Variants in ERBB4 observed in about 807,000 individuals in gnomAD.
The protein encoded by ERBB4 is receptor tyrosine-protein kinase erbB-4.
A neutral mutation model predicts 158.0 loss-of-function variants in ERBB4; 42 were observed. The ratio of observed to expected loss-of-function variants is 0.27; its 90% CI spans 0.21 to 0.34. ERBB4 has a LOEUF of 0.34. Among genes scored for constraint, ERBB4 ranks in the 10% least tolerant of loss-of-function variants. The pLI is 1.00. For synonymous variants in ERBB4, 583 were observed against 558.7 expected, an observed-to-expected ratio of 1.04 and a Z score of -0.61; for missense variants, 1,333 against 1,624.1, an observed-to-expected ratio of 0.82 and a Z score of 3.08.
intron 2 of ERBB4, among the ~76,000 whole-genome samples, chr2:212,078,995 T>A (rs918499302): frequency 6.6e-6 from 1 of 151,372 alleles, no homozygotes; most frequent in Non-Finnish European, 1.5e-5. Flanking sequence ...ACGTTAGTAT[T>A]TATAGATTTA....
chr2:212,312,699 ACAG>A (rs1212674939), intron 1 of ERBB4, among the ~76,000 whole-genome samples: 1 of 150,996 alleles, frequency 6.6e-6, no homozygotes, highest in Non-Finnish European at 1.5e-5. Flanking sequence ...AAGATGGAAA[ACAG>A]CAGGTATATA....
At chr2:212,331,475 G>T (rs998172533) in intron 1 of ERBB4, among the ~76,000 whole-genome samples, 4 of 151,816 alleles carry the variant, frequency 2.6e-5, no homozygotes, top group African/African-American at 9.7e-5. Context: ...GCAACGTAGA[G>T]AAATCTATTC....
In ERBB4 at chr2:212,513,432, A is replaced by AT. The variant is rs1190471646; in HGVS notation, c.82+25016dup. Among the ~76,000 whole-genome samples the AT allele has an allele frequency of 2.0e-5, 3 of 152,314 alleles. No homozygotes were observed. In the East Asian group the frequency reaches 5.8e-4, roughly 29 times the overall value. On this transcript the variant is annotated intron_variant, in intron 1 of 27. Coordinates refer to ENST00000342788, the MANE Select transcript of ERBB4 (RefSeq NM_005235.3). Reference sequence around the variant, plus strand: ...ATGTCATGCTAAATACCTTATACATATTTTTCAATTTAGCCATCAGAACAG... The same window carrying AT: ...ATGTCATGCTAAATACCTTATACATATTTTTTCAATTTAGCCATCAGAACAG...
chr2:211,665,360 G>C lies in ERBB4; in HGVS notation c.1834C>G (p.Arg612Gly), dbSNP rs561997094. ...TTTGGATGGCATGGGTGGCACTCCC[G>C]ATCTGGATCAGCATACTTGAAAATG... is the stretch of plus-strand genomic sequence containing the variant. The part of the protein sequence containing the change: ...SFIFKYADPD[R>G]ECHPCHPNCT... Residue 612 changes from arginine (R) to glycine (G), a missense_variant, in exon 15 of 28, where the codon CGG (arginine) becomes GGG (glycine). Arg to Gly is a moderately radical substitution (Grantham distance 125, BLOSUM62 -2). Coordinates refer to ENST00000342788, the MANE Select transcript of ERBB4 (RefSeq NM_005235.3). 1.7e-5 allele frequency: 27 copies of C among 1,614,134 alleles called. No individual in the cohort carries two copies. The highest frequency in any genetic ancestry group is 2.1e-5 in the Non-Finnish European group (25 of 1,180,022).
intron 20 of ERBB4, among the ~76,000 whole-genome samples, chr2:211,451,943 C>T (rs1056948867): frequency 1.3e-5 from 2 of 152,116 alleles, no homozygotes; most frequent in African/African-American, 4.8e-5. Context: ...GAGTAAACTT[C>T]TATTAAACTT....
chr2:212,131,894 G>GCTA (rs2080117352), intron 1 of ERBB4, among the ~76,000 whole-genome samples: 1 of 152,154 alleles, frequency 6.6e-6, no homozygotes, highest in Admixed American at 6.6e-5. Flanking sequence ...GTATGAAATG[G>GCTA]GTAGTAGAGA....
chr2:211,990,475 G>A (rs568571342), intron 2 of ERBB4, among the ~76,000 whole-genome samples: 1 of 151,482 alleles, frequency 6.6e-6, no homozygotes, highest in South Asian at 2.1e-4. Flanking sequence ...TGCTTACTAT[G>A]TGCATATCAT....
chr2:212,003,294 C>T (rs1402713), intron 2 of ERBB4, among the ~76,000 whole-genome samples: 10,209 of 133,576 alleles, frequency 0.076, 692 homozygotes, highest in Non-Finnish European at 0.12. Flanking sequence ...AATATCAAAA[C>T]AAAAATCTTA....
At chr2:211,750,768 T>TGA in intron 4 of ERBB4, 64 bp from the exon 5 acceptor site, 9 of 1,365,614 alleles carry the variant, frequency 6.6e-6, no homozygotes, top group South Asian at 1.2e-5. Flanking sequence ...TGACTAGGAG[T>TGA]AACTCCTCAA....
intron 2 of ERBB4, among the ~76,000 whole-genome samples, chr2:212,011,522 G>T (rs528941680): frequency 6.6e-6 from 1 of 152,034 alleles, no homozygotes; most frequent in Non-Finnish European, 1.5e-5. Flanking sequence ...AGGCTGAGAC[G>T]GGTGGATCAC....
At chr2:211,716,552 TGTA>T (rs1027113775) in intron 7 of ERBB4, among the ~76,000 whole-genome samples, 7 of 149,362 alleles carry the variant, frequency 4.7e-5, no homozygotes, top group South Asian at 2.1e-4. Flanking sequence ...GGCGGGCGCC[TGTA>T]GTCCCAGCTA....
chr2:211,755,207 A>C (rs2075262405), intron 4 of ERBB4, among the ~76,000 whole-genome samples: 1 of 152,298 alleles, frequency 6.6e-6, no homozygotes, highest in East Asian at 1.9e-4. Context: ...TAAATGTCTT[A>C]GAGTAAGTGC....
At chr2:212,417,806 C>A (rs1028404780) in intron 1 of ERBB4, among the ~76,000 whole-genome samples, 1 of 151,962 alleles carries the variant, frequency 6.6e-6, no homozygotes, top group Non-Finnish European at 1.5e-5. Context: ...ATAAGTTACA[C>A]TTTAAATCAG....
chr2:211,860,543 T>C (rs568843785), intron 3 of ERBB4, among the ~76,000 whole-genome samples: 5 of 152,254 alleles, frequency 3.3e-5, no homozygotes, highest in African/African-American at 1.2e-4. Context: ...AGACAAATAA[T>C]TACCTAGGCC....
rs142268825 is a variant in ERBB4 at position 212,291,467 on chromosome 2, G to C, written c.83-166564C>G. 1.7e-3 allele frequency among the ~76,000 whole-genome samples: 262 copies of C among 152,058 alleles called. 1 individual carries two copies. The highest frequency in any genetic ancestry group is 5.8e-3 in the African/African-American group (240 of 41,518). On this transcript the variant is annotated intron_variant, in intron 1 of 27. Transcript: ENST00000342788. The stretch of plus-strand genomic sequence containing the variant: ...GCATTAAAATTAAGTTAATTTTGTT[G>C]TTAATGCTAAATTAGACCCATTTGT...
At chr2:211,579,945 C>T (rs1296417722) in intron 19 of ERBB4, among the ~76,000 whole-genome samples, 6 of 151,970 alleles carry the variant, frequency 3.9e-5, no homozygotes, top group Non-Finnish European at 7.4e-5. Context: ...CACATGTAGC[C>T]CAGAACTTAA....
chr2:211,836,760 T>C (rs973552417), intron 3 of ERBB4, among the ~76,000 whole-genome samples: 1 of 152,024 alleles, frequency 6.6e-6, no homozygotes. Context: ...TTCTGCACAA[T>C]GACAGCTGCA....
At chr2:211,936,110 C>T (rs2080315510) in intron 3 of ERBB4, among the ~76,000 whole-genome samples, 1 of 151,886 alleles carries the variant, frequency 6.6e-6, no homozygotes, top group South Asian at 2.1e-4. Context: ...TATAATCCTA[C>T]CCAGTATCAT....
chr2:211,452,070 TC>T (rs2125479873), intron 20 of ERBB4, among the ~76,000 whole-genome samples: 1 of 152,322 alleles, frequency 6.6e-6, no homozygotes, highest in African/African-American at 2.4e-5. Context: ...ATAGCTTTCC[TC>T]CTATATATCC....
Sources: allele counts gnomAD v4.1 joint callset (sites outside exome capture counted in the v4.1 genomes callset), GRCh38; gene constraint gnomAD v4.1.1; transcripts MANE v1.5; gene names NCBI Gene and HGNC (gene_info 2026-07-23, HGNC 2026-07-21).